RANBP17: variants seen among roughly 807,000 people sequenced by gnomAD.
RANBP17 encodes ran-binding protein 17.
In RANBP17, 158 loss-of-function variants were observed where a neutral mutation model predicts 141.2. The ratio of observed to expected loss-of-function variants is 1.12; its 90% confidence interval spans 0.98 to 1.28. RANBP17 has a LOEUF of 1.28. Ranked by LOEUF, RANBP17 falls within the 50% of genes most tolerant of loss-of-function variation. The pLI is 0.00. For missense variants in RANBP17, 1,438 were observed against 1,290.7 expected (o/e 1.11, Z -1.75); for synonymous variants, 430 against 450.0 (o/e 0.96, Z 0.56).
intron 14 of RANBP17, among the ~76,000 whole-genome samples, chr5:171,048,420 G>T (rs1365425803): frequency 6.6e-6 from 1 of 152,004 alleles, no homozygotes; most frequent in Non-Finnish European, 1.5e-5. Flanking sequence ...TTCAACTGCT[G>T]TGTTTATATC....
chr5:171,261,542 CA>C (rs1766329330), intron 24 of RANBP17, among the ~76,000 whole-genome samples: 1 of 152,168 alleles, frequency 6.6e-6, no homozygotes, highest in Admixed American at 6.5e-5. Flanking sequence ...AACTTTTCAG[CA>C]CAGCTTTCAA....
intron 24 of RANBP17, among the ~76,000 whole-genome samples, chr5:171,251,694 G>A (rs1409852345): frequency 1.3e-5 from 2 of 152,222 alleles, no homozygotes; most frequent in Admixed American, 6.5e-5. Flanking sequence ...GGCTCAGTGT[G>A]TGGGTCCGTG....
chr5:170,873,053 A>AGGCAC (rs1767884919), intron 1 of RANBP17, among the ~76,000 whole-genome samples: 1 of 152,192 alleles, frequency 6.6e-6, no homozygotes, highest in Admixed American at 6.5e-5. Context: ...CTGAGACTAC[A>AGGCAC]GGCACGTGAA....
intron 21 of RANBP17, among the ~76,000 whole-genome samples, chr5:171,221,485 G>A (rs1249143031): frequency 6.6e-6 from 1 of 152,136 alleles, no homozygotes; most frequent in African/African-American, 2.4e-5. Context: ...AGAAATCTGT[G>A]ATAAAGAATG....
rs534327160 is a variant in RANBP17, at chr5:170,997,930, T to G, written c.1710+29553T>G. On this transcript the variant is annotated intron_variant, in intron 14 of 27. Transcript: ENST00000523189. ...CTGTATTTTCCAGTATTATTTCTTATAAAAAGAAACATATTAATTTTAAAA... is the reference window on the plus strand; with the variant it reads ...CTGTATTTTCCAGTATTATTTCTTAGAAAAAGAAACATATTAATTTTAAAA... 3.3e-5 allele frequency among the ~76,000 whole-genome samples: 5 copies of G among 152,154 alleles called. No individual in the cohort carries two copies. The South Asian group carries it at 1.0e-3, about 32-fold the overall frequency.
intron 14 of RANBP17, among the ~76,000 whole-genome samples, chr5:171,008,450 G>A (rs1779807360): frequency 6.6e-6 from 1 of 152,166 alleles, no homozygotes; most frequent in Admixed American, 6.5e-5. Flanking sequence ...CACCAAACAG[G>A]CTTTGTGTGA....
At chr5:171,278,649 G>A (rs550496267) in intron 25 of RANBP17, among the ~76,000 whole-genome samples, 5 of 152,172 alleles carry the variant, frequency 3.3e-5, no homozygotes, top group Non-Finnish European at 7.3e-5. Context: ...CAGACATGCC[G>A]AGGATCTCAA....
intron 25 of RANBP17, among the ~76,000 whole-genome samples, chr5:171,293,413 A>G (rs79195285): frequency 0.088 from 13,386 of 152,272 alleles, 816 homozygotes; most frequent in East Asian, 0.2. Flanking sequence ...AGCAGGAAAC[A>G]TGATGTTCCA....
chr5:171,099,771 T>C (rs1176778871), intron 14 of RANBP17, among the ~76,000 whole-genome samples: 2 of 152,164 alleles, frequency 1.3e-5, no homozygotes, highest in African/African-American at 4.8e-5. Flanking sequence ...TTTTGAGATA[T>C]GTTCCGTCAG....
intron 24 of RANBP17, chr5:171,252,384 T>C: frequency 2.0e-6 from 3 of 1,535,564 alleles, no homozygotes; most frequent in East Asian, 2.3e-5. Context: ...CTTGTGAAAC[T>C]ATGAGCAGCA....
chr5:171,058,247 G>C (rs1184561008), intron 14 of RANBP17, among the ~76,000 whole-genome samples: 1 of 150,822 alleles, frequency 6.6e-6, no homozygotes, highest in Non-Finnish European at 1.5e-5. Context: ...TGCCATGCTG[G>C]TGTGCTGCAC....
chr5:171,108,895 G>A (rs907210363), intron 14 of RANBP17, among the ~76,000 whole-genome samples: 2 of 151,996 alleles, frequency 1.3e-5, no homozygotes, highest in Non-Finnish European at 2.9e-5. Context: ...TGTTGTTGTT[G>A]TTCTGGCAAA....
intron 14 of RANBP17, among the ~76,000 whole-genome samples, chr5:171,155,223 G>A (rs757035357): frequency 3.3e-5 from 5 of 149,640 alleles, no homozygotes; most frequent in Admixed American, 6.7e-5. Flanking sequence ...GATGCAAGAG[G>A]GAGAATACAA....
At chr5:171,265,466 G>T (rs1766607687) in intron 24 of RANBP17, among the ~76,000 whole-genome samples, 2 of 152,192 alleles carry the variant, frequency 1.3e-5, no homozygotes, top group South Asian at 4.1e-4. Context: ...GGAGGCAGAG[G>T]TTGCAGTGAG....
rs76431779 is a variant in RANBP17 at position 171,112,783 on chromosome 5, A to G, written c.1711-57347A>G. ...TATCTGCCTTTTTTGTTGGGACACA[A>G]TCTGCCATTTTTATCCTGTAAACAT... On this transcript the variant is annotated intron_variant, in intron 14 of 27. Coordinates refer to ENST00000523189, the MANE Select transcript of RANBP17 (RefSeq NM_022897.5). Among the ~76,000 whole-genome samples the G allele has an allele frequency of 9.3e-4, 142 of 152,074 alleles. 1 individual carries two copies. Among genetic ancestry groups the G allele is most frequent in the African/African-American group, 3.2e-3 (134 of 41,554 alleles).
At chr5:170,878,662 C>T (rs948102485) in intron 2 of RANBP17, among the ~76,000 whole-genome samples, 1 of 152,130 alleles carries the variant, frequency 6.6e-6, no homozygotes, top group Non-Finnish European at 1.5e-5. Context: ...TATTCATAGT[C>T]TAGACATTCA....
intron 14 of RANBP17, among the ~76,000 whole-genome samples, chr5:171,042,139 A>G (rs1782291018): frequency 6.6e-6 from 1 of 152,010 alleles, no homozygotes; most frequent in African/African-American, 2.4e-5. Flanking sequence ...TATCCAGTCT[A>G]TCATTGATGG....
At chr5:171,096,797 G>T (rs994289619) in intron 14 of RANBP17, among the ~76,000 whole-genome samples, 8 of 152,048 alleles carry the variant, frequency 5.3e-5, no homozygotes, top group Admixed American at 1.3e-4. Context: ...CTTTTCTGAA[G>T]ATCTGGTATG....
At chr5:171,077,079 C>T (rs548892432) in intron 14 of RANBP17, among the ~76,000 whole-genome samples, 1 of 152,114 alleles carries the variant, frequency 6.6e-6, no homozygotes, top group African/African-American at 2.4e-5. Context: ...TTGACTCACC[C>T]CTGTAATCCC....
Sources: allele counts gnomAD v4.1 joint callset (sites outside exome capture counted in the v4.1 genomes callset), GRCh38; gene constraint gnomAD v4.1.1; transcripts MANE v1.5; gene names NCBI Gene and HGNC (gene_info 2026-07-23, HGNC 2026-07-21).